The following ERVMER34-1 variants were observed in gnomAD, a reference collection of about 807,000 sequenced individuals.
The protein encoded by ERVMER34-1 is endogenous retroviral envelope protein HEMO.
For missense variants in ERVMER34-1, 471 were observed against 295.1 expected (o/e 1.60, Z -4.37); for synonymous variants, 199 against 111.7 (o/e 1.78, Z -4.93).
At chr4:52,746,831 A>G (rs913921539) in intron 2 of ERVMER34-1, among the ~76,000 whole-genome samples, 2 of 152,214 alleles carry the variant, frequency 1.3e-5, no homozygotes, top group Admixed American at 6.5e-5. Context: ...CCAAGAGCCA[A>G]CTGTCTTTTG....
chr4:52,745,067 C>A lies in ERVMER34-1; in HGVS notation c.454G>T (p.Asp152Tyr). Reference sequence around the variant, plus strand: ...GGCATGAAGGTGCCATCTGTAGAATCAAACCATAGTATTTGATTACAGTAT... The same window carrying A: ...GGCATGAAGGTGCCATCTGTAGAATAAAACCATAGTATTTGATTACAGTAT... Reference protein sequence around the residue: ...KQYCNQILWFDSTDGTFMPSI... With the variant: ...KQYCNQILWFYSTDGTFMPSI... Residue 152 changes from aspartate (D) to tyrosine (Y), a missense_variant, in exon 3 of 3, where the codon GAT (aspartate) becomes TAT (tyrosine). Coordinates refer to ENST00000443173, the MANE Select transcript of ERVMER34-1 (RefSeq NM_001242690.2). 1.4e-6 allele frequency: 1 copy of A among 704,134 alleles called. No individual in the cohort carries two copies. Among genetic ancestry groups the A allele is most frequent in the South Asian group, 1.5e-5 (1 of 67,578 alleles). 43.6% of individuals were successfully genotyped at this position (704,134 alleles called of 1,614,324 possible). A position where few individuals can be genotyped will look rare whatever the true frequency, so the allele number is the denominator to read the frequency against.
chr4:52,744,209 C>T lies in ERVMER34-1; in HGVS notation c.1312G>A (p.Gly438Arg). The change falls in exon 3 of 3, where the codon GGA becomes AGA. Residue 438 changes from glycine (G) to arginine (R), a missense_variant. Coordinates refer to ENST00000443173, the MANE Select transcript of ERVMER34-1 (RefSeq NM_001242690.2). Reference sequence around the variant, plus strand: ...AGGCAACACTGTTTGCCAACAGTTCCACAAGCCGTTTGTCGTTGGGTGGTC... The same window carrying T: ...AGGCAACACTGTTTGCCAACAGTTCTACAAGCCGTTTGTCGTTGGGTGGTC... Reference protein sequence around the residue: ...IPTTQRQTACGTVGKQCCLYI... With the variant: ...IPTTQRQTACRTVGKQCCLYI... 1 of 704,106 alleles carries T rather than the reference C, an allele frequency of 1.4e-6. No individual in the cohort carries two copies. The highest frequency in any genetic ancestry group is 2.6e-6 in the Non-Finnish European group (1 of 385,020). The allele number at this position is 704,106 out of a possible 1,614,324, so 43.6% of individuals were successfully genotyped here.
At chr4:52,747,753 T>G (rs923659003) in intron 2 of ERVMER34-1, among the ~76,000 whole-genome samples, 30 of 152,168 alleles carry the variant, frequency 2.0e-4, no homozygotes, top group African/African-American at 6.5e-4. Flanking sequence ...GAAACTGAGA[T>G]GCAGCCGGGC....
intron 2 of ERVMER34-1, among the ~76,000 whole-genome samples, chr4:52,746,386 A>AT (rs1359890356): frequency 4.6e-5 from 7 of 152,042 alleles, no homozygotes; most frequent in African/African-American, 7.2e-5. Context: ...TTATTGACAG[A>AT]TTTTTTCCTA....
rs1293939794 is a variant in ERVMER34-1, at chr4:52,743,996, C to G, written c.1525G>C (p.Val509Leu). ...CTGCGAGATTTGCGAAAGACACGAACATAGATTAAAACAAAGATGAATAAG... is the reference window on the plus strand; with the variant it reads ...CTGCGAGATTTGCGAAAGACACGAAGATAGATTAAAACAAAGATGAATAAG... The part of the protein sequence containing the change: ...FCLFIFVLIY[V>L]RVFRKSRRSL... Residue 509 changes from valine to leucine, a missense_variant, in exon 3 of 3, where the codon GTT (valine) becomes CTT (leucine). Transcript: ENST00000443173. The G allele has an allele frequency of 1.4e-6, 1 of 732,312 alleles. No individual in the cohort carries two copies. The highest frequency in any genetic ancestry group is 2.0e-5 in the Admixed American group (1 of 50,006). 45.4% of individuals were successfully genotyped at this position (732,312 alleles called of 1,614,324 possible). A position where few individuals can be genotyped will look rare whatever the true frequency, so the allele number is the denominator to read the frequency against.
In ERVMER34-1 at chr4:52,744,863, A is replaced by C. The variant is rs1275665262; in HGVS notation, c.658T>G (p.Leu220Val). 2 of 704,106 alleles carry C rather than the reference A, an allele frequency of 2.8e-6. No individual in the cohort carries two copies. The highest frequency in any genetic ancestry group is 2.7e-5 in the East Asian group (1 of 37,290). 43.6% of individuals were successfully genotyped at this position (704,106 alleles called of 1,614,324 possible). ...DYKWVDRNSG[L>V]TWSGNDTCLY... is the part of the protein sequence containing the mutation. ...CAGGTGTCATTACCTGACCAGGTCA[A>C]TCCAGAATTTCGATCTACCCATTTG... Residue 220 changes from leucine to valine, a missense_variant, in exon 3 of 3, where the codon TTG becomes GTG. By Grantham distance (32) the Leu-to-Val change is conservative (BLOSUM62 1). Coordinates refer to ENST00000443173, the MANE Select transcript of ERVMER34-1 (RefSeq NM_001242690.2).
chr4:52,744,879 T>C lies in ERVMER34-1; in HGVS notation c.642A>G (p.Val214=), dbSNP rs1193556550. The change falls in exon 3 of 3, where the codon GTA becomes GTG. Residue 214 remains valine, a synonymous_variant. Transcript: ENST00000443173. ...ACCAGGTCAATCCAGAATTTCGATC[T>C]ACCCATTTGTAGTCTTGGGTATTGG... ...GLPNTQDYKW[V]DRNSGLTWSG... 2 of 704,162 alleles carry C rather than the reference T, an allele frequency of 2.8e-6. No homozygotes were observed. The highest frequency in any genetic ancestry group is 2.6e-6 in the Non-Finnish European group (1 of 385,014). 43.6% of individuals were successfully genotyped at this position (704,162 alleles called of 1,614,324 possible).
chr4:52,745,011 G>C lies in ERVMER34-1; in HGVS notation c.510C>G (p.Asn170Lys), dbSNP rs376296654. 1 of 704,000 alleles carries C rather than the reference G, an allele frequency of 1.4e-6. No homozygotes were observed. The highest frequency in any genetic ancestry group is 1.7e-5 in the African/African-American group (1 of 57,252). The allele number at this position is 704,000 out of a possible 1,614,324, so 43.6% of individuals were successfully genotyped here. A position where few individuals can be genotyped will look rare whatever the true frequency, so the allele number is the denominator to read the frequency against. The change falls in exon 3 of 3, where the codon AAC becomes AAG. Residue 170 changes from asparagine to lysine, a missense_variant. Transcript: ENST00000443173. The stretch of plus-strand genomic sequence containing the variant: ...GGCAAACACTTGTATCATCATCATC[G>C]TTCCTGGATTCATTTGTAACATCTA... ...PSIDVTNESR[N>K]DDDDTSVCLG... is the part of the protein sequence containing the mutation.
rs1389490698 is a variant in ERVMER34-1, at chr4:52,744,634, C to T, written c.887G>A (p.Gly296Asp). ...SNLTLSVNNS[G>D]LFFLCGNGVY... ...CCCATTGCCGCACAAAAAAAAGAGGCCAGAGTTGTTCACAGACAAGGTCAG... is the reference window on the plus strand; with the variant it reads ...CCCATTGCCGCACAAAAAAAAGAGGTCAGAGTTGTTCACAGACAAGGTCAG... The change falls in exon 3 of 3, where the codon GGC becomes GAC. Residue 296 changes from glycine to aspartate, a missense_variant. By Grantham distance (94) the Gly-to-Asp change is moderately conservative (BLOSUM62 -1). Transcript: ENST00000443173. 5.7e-6 allele frequency: 4 copies of T among 704,056 alleles called. No individual in the cohort carries two copies. Among genetic ancestry groups the T allele is most frequent in the Non-Finnish European group, 1.0e-5 (4 of 385,006 alleles). The allele number at this position is 704,056 out of a possible 1,614,324, so 43.6% of individuals were successfully genotyped here. A position where few individuals can be genotyped will look rare whatever the true frequency, so the allele number is the denominator to read the frequency against.
chr4:52,746,976 C>A (rs1454366807), intron 2 of ERVMER34-1, among the ~76,000 whole-genome samples: 2 of 151,780 alleles, frequency 1.3e-5, no homozygotes, highest in African/African-American at 4.8e-5. Flanking sequence ...CACCTGTAAT[C>A]CCAGCACTTT....
In ERVMER34-1 at chr4:52,745,792, T is replaced by A; in HGVS notation, c.-272A>T. Reference sequence around the variant, plus strand: ...TGGCCTTCCAGTTGTCATATAATGATCTCAATCTAGCTTCCTGTGGCTTGT... The same window carrying A: ...TGGCCTTCCAGTTGTCATATAATGAACTCAATCTAGCTTCCTGTGGCTTGT... On this transcript the variant is annotated 5_prime_UTR_variant, in exon 3 of 3. Coordinates refer to ENST00000443173, the MANE Select transcript of ERVMER34-1 (RefSeq NM_001242690.2). The A allele has an allele frequency of 4.5e-6, 2 of 446,142 alleles. No individual in the cohort carries two copies. Among genetic ancestry groups the A allele is most frequent in the Admixed American group, 3.8e-5 (1 of 26,540 alleles). 27.6% of individuals were successfully genotyped at this position (446,142 alleles called of 1,614,324 possible). A position where few individuals can be genotyped will look rare whatever the true frequency, so the allele number is the denominator to read the frequency against.
In ERVMER34-1 at chr4:52,744,332, G is replaced by A. The variant is rs760183506; in HGVS notation, c.1189C>T (p.Gln397Ter). The A allele has an allele frequency of 1.4e-6, 1 of 704,082 alleles. No homozygotes were observed. The highest frequency in any genetic ancestry group is 2.6e-6 in the Non-Finnish European group (1 of 384,994). The allele number at this position is 704,082 out of a possible 1,614,324, so 43.6% of individuals were successfully genotyped here. A position where few individuals can be genotyped will look rare whatever the true frequency, so the allele number is the denominator to read the frequency against. Residue 397 changes from glutamine to a stop codon, truncating the protein, a stop_gained, in exon 3 of 3, where the codon CAG becomes TAG. Transcript: ENST00000443173. LOFTEE classifies it low-confidence loss of function (END_TRUNC). ...AILNISKAME[Q>*]EFSATKQTLE... is the part of the protein sequence containing the mutation. ...GTCTGCTTAGTGGCACTGAATTCCT[G>A]TTCCATTGCTTTGGAAATGTTTAGA...
rs1285247573 is a variant in ERVMER34-1, at chr4:52,748,221, C to T, written c.-423-2278G>A. The T allele has an allele frequency of 1.3e-5, 3 of 231,304 alleles. No homozygotes were observed. In the Admixed American group the frequency reaches 1.4e-4, roughly 11 times the overall value. 14.3% of individuals were successfully genotyped at this position (231,304 alleles called of 1,614,324 possible). A position where few individuals can be genotyped will look rare whatever the true frequency, so the allele number is the denominator to read the frequency against. On this transcript the variant is annotated intron_variant, in intron 2 of 2. Coordinates refer to ENST00000443173, the MANE Select transcript of ERVMER34-1 (RefSeq NM_001242690.2). ...ACCCAGAGAAGAGAATGTAAAGCTC[C>T]TCTTTGGAGGAGCTAGACTCCTGTC...
At position 52,743,157 on chromosome 4, in the gene ERVMER34-1, G is replaced by A. The variant is rs577225473; in HGVS notation, c.*672C>T. The A allele has an allele frequency of 3.9e-5, 6 of 151,934 alleles. No homozygotes were observed. Among genetic ancestry groups the A allele is most frequent in the Admixed American group, 3.3e-4 (5 of 15,244 alleles). 9.4% of individuals were successfully genotyped at this position (151,934 alleles called of 1,614,324 possible). Reference sequence around the variant, plus strand: ...CTCCCTGCATCCTACTTCCACCTGCGGCCCATTTCATAAGATGGCTAAAAT... The same window carrying A: ...CTCCCTGCATCCTACTTCCACCTGCAGCCCATTTCATAAGATGGCTAAAAT... On this transcript the variant is annotated 3_prime_UTR_variant, in exon 3 of 3. Transcript: ENST00000443173.
At position 52,744,018 on chromosome 4, in the gene ERVMER34-1, T is replaced by A. The variant is rs1716077976; in HGVS notation, c.1503A>T (p.Leu501Phe). 1 of 715,312 alleles carries A rather than the reference T, an allele frequency of 1.4e-6. No homozygotes were observed. Among genetic ancestry groups the A allele is most frequent in the African/African-American group, 1.7e-5 (1 of 57,484 alleles). The allele number at this position is 715,312 out of a possible 1,614,324, so 44.3% of individuals were successfully genotyped here. A position where few individuals can be genotyped will look rare whatever the true frequency, so the allele number is the denominator to read the frequency against. The change falls in exon 3 of 3, where the codon TTA (leucine) becomes TTT (phenylalanine). Residue 501 changes from leucine (L) to phenylalanine (F), a missense_variant. Transcript: ENST00000443173. The part of the protein sequence containing the change: ...GYVLLIVLFC[L>F]FIFVLIYVRV... ...GAACATAGATTAAAACAAAGATGAA[T>A]AAGCAGAAAAGAACAATTAAAAGCA...
intron 2 of ERVMER34-1, among the ~76,000 whole-genome samples, chr4:52,747,068 A>G (rs910537659): frequency 6.6e-6 from 1 of 151,968 alleles, no homozygotes; most frequent in African/African-American, 2.4e-5. Context: ...ACCTCTACTA[A>G]AAATATAAAA....
intron 2 of ERVMER34-1, among the ~76,000 whole-genome samples, chr4:52,748,736 GT>G (rs1357963277): frequency 1.3e-5 from 2 of 152,194 alleles, no homozygotes; most frequent in Non-Finnish European, 2.9e-5. Context: ...CCACACACCT[GT>G]TTTTATTTAC....
rs1339224776 is a variant in ERVMER34-1, at chr4:52,744,847, T to C, written c.674A>G (p.Asn225Ser). The change falls in exon 3 of 3, where the codon AAT (asparagine) becomes AGT (serine). Residue 225 changes from asparagine to serine, a missense_variant. By Grantham distance (46) the Asn-to-Ser change is conservative. Transcript: ENST00000443173. ...DRNSGLTWSG[N>S]DTCLYSCQNQ... ...TTGGCAGCTATAGAGACAGGTGTCA[T>C]TACCTGACCAGGTCAATCCAGAATT... 8 of 704,006 alleles carry C rather than the reference T, an allele frequency of 1.1e-5. No homozygotes were observed. Among genetic ancestry groups the C allele is most frequent in the Admixed American group, 2.0e-5 (1 of 49,984 alleles). The allele number at this position is 704,006 out of a possible 1,614,324, so 43.6% of individuals were successfully genotyped here. A position where few individuals can be genotyped will look rare whatever the true frequency, so the allele number is the denominator to read the frequency against.
chr4:52,749,762 C>T (rs1050216830), intron 2 of ERVMER34-1, among the ~76,000 whole-genome samples: 8 of 152,092 alleles, frequency 5.3e-5, no homozygotes, highest in African/African-American at 1.2e-4. Flanking sequence ...GGCAACAGAG[C>T]GAGGCTCTGT....
Sources: gnomAD v4.1 joint callset for allele counts (sites outside exome capture counted in the v4.1 genomes callset) on GRCh38, gnomAD v4.1.1 for gene constraint, MANE v1.5 for transcripts, NCBI Gene and HGNC (gene_info 2026-07-23, HGNC 2026-07-21) for gene names.